Variants in PAPSS1 observed in about 807,000 individuals in gnomAD.
PAPSS1 encodes the protein bifunctional 3'-phosphoadenosine 5'-phosphosulfate synthase 1.
Under a neutral mutation model 72.0 loss-of-function variants are expected in PAPSS1, and 50 were observed. That is an observed-to-expected ratio of 0.69 (90% CI 0.55 to 0.88). PAPSS1 has a LOEUF of 0.88. Among genes scored for constraint, PAPSS1 ranks in the 40% least tolerant of loss-of-function variants. PAPSS1 has a pLI of 0.00. For missense variants in PAPSS1, 657 were observed against 782.2 expected (o/e 0.84, Z 1.91); for synonymous variants, 261 against 263.6 (o/e 0.99, Z 0.09).
chr4:107,653,190 G>T (rs904671197), intron 9 of PAPSS1, among the ~76,000 whole-genome samples: 4 of 151,704 alleles, frequency 2.6e-5, no homozygotes, highest in African/African-American at 7.3e-5. Flanking sequence ...ATTTATATGA[G>T]TGAATTATTC....
chr4:107,702,416 C>T (rs1723227994), intron 1 of PAPSS1, among the ~76,000 whole-genome samples: 1 of 152,152 alleles, frequency 6.6e-6, no homozygotes, highest in East Asian at 1.9e-4. Context: ...ATTATCATCA[C>T]CATGTTATAC....
intron 2 of PAPSS1, 109 bp downstream of exon 2, chr4:107,701,062 G>A: frequency 1.8e-6 from 1 of 543,464 alleles, no homozygotes; most frequent in Non-Finnish European, 3.2e-6. Flanking sequence ...ATGTCGTGAT[G>A]CTCCAAATAC....
chr4:107,690,575 G>A (rs1296502824), intron 3 of PAPSS1, among the ~76,000 whole-genome samples: 1 of 152,078 alleles, frequency 6.6e-6, no homozygotes, highest in African/African-American at 2.4e-5. Context: ...GGAAGTATCA[G>A]GTTAATTTTC....
intron 1 of PAPSS1, among the ~76,000 whole-genome samples, chr4:107,708,700 C>T (rs549818018): frequency 3.4e-4 from 52 of 152,280 alleles, no homozygotes; most frequent in African/African-American, 1.2e-3. Flanking sequence ...AGTTTCTTGC[C>T]TCCTACATTT....
intron 7 of PAPSS1, among the ~76,000 whole-genome samples, chr4:107,655,105 T>TAA (rs61591737): frequency 0.19 from 22,406 of 117,262 alleles, 2,223 homozygotes; most frequent in East Asian, 0.36. Flanking sequence ...TCTCCCAAGT[T>TAA]AAAAAAAAAA....
At chr4:107,627,715 T>C (rs867861600) in intron 11 of PAPSS1, among the ~76,000 whole-genome samples, 4 of 152,178 alleles carry the variant, frequency 2.6e-5, no homozygotes, top group Non-Finnish European at 4.4e-5. Context: ...TTTACTACAA[T>C]TTCTTTTTAT....
intron 9 of PAPSS1, among the ~76,000 whole-genome samples, chr4:107,651,752 C>T (rs1325241126): frequency 6.6e-6 from 1 of 152,140 alleles, no homozygotes; most frequent in African/African-American, 2.4e-5. Context: ...ATAGGAACTA[C>T]AATTCAAGAT....
intron 4 of PAPSS1, among the ~76,000 whole-genome samples, chr4:107,686,243 G>A (rs138218007): frequency 9.2e-5 from 14 of 152,138 alleles, no homozygotes; most frequent in African/African-American, 2.7e-4. Flanking sequence ...ATTTGTTCCC[G>A]GACTCCCTGT....
intron 10 of PAPSS1, among the ~76,000 whole-genome samples, chr4:107,632,884 C>T (rs1464969726): frequency 6.6e-6 from 1 of 152,018 alleles, no homozygotes; most frequent in Non-Finnish European, 1.5e-5. Context: ...CATAAATAAC[C>T]AAATCATCTT....
At chr4:107,658,056 G>A (rs771501010) in intron 6 of PAPSS1, among the ~76,000 whole-genome samples, 24 of 152,006 alleles carry the variant, frequency 1.6e-4, no homozygotes, top group Non-Finnish European at 2.6e-4. Context: ...AGGAAGCAAG[G>A]AATCTTTCCA....
At chr4:107,648,919 G>A (rs1726766179) in intron 9 of PAPSS1, among the ~76,000 whole-genome samples, 1 of 152,062 alleles carries the variant, frequency 6.6e-6, no homozygotes, top group African/African-American at 2.4e-5. Flanking sequence ...ATAAGAGATG[G>A]GCCCCTTGAA....
intron 5 of PAPSS1, among the ~76,000 whole-genome samples, chr4:107,666,178 T>G (rs1727312523): frequency 6.6e-6 from 1 of 152,216 alleles, no homozygotes; most frequent in African/African-American, 2.4e-5. Flanking sequence ...TAAACCACCA[T>G]TTCTTAAAAA....
intron 5 of PAPSS1, among the ~76,000 whole-genome samples, chr4:107,680,201 C>T (rs987330813): frequency 1.3e-5 from 2 of 151,368 alleles, no homozygotes; most frequent in African/African-American, 4.9e-5. Context: ...ATATATCTAC[C>T]CAAGCAGGTT....
chr4:107,634,778 T>G (rs1433192050), intron 10 of PAPSS1, among the ~76,000 whole-genome samples: 1 of 151,500 alleles, frequency 6.6e-6, no homozygotes, highest in Non-Finnish European at 1.5e-5. Flanking sequence ...AGATCTAAAA[T>G]TTCTACAATA....
intron 8 of PAPSS1, 100 bp from the exon 9 acceptor site, chr4:107,653,726 A>C: frequency 2.4e-6 from 2 of 820,260 alleles, no homozygotes; most frequent in Non-Finnish European, 3.6e-6. Flanking sequence ...AGCTACTCTC[A>C]TCTTAAATGA....
At chr4:107,665,457 T>C (rs1219200474) in intron 5 of PAPSS1, among the ~76,000 whole-genome samples, 2 of 152,202 alleles carry the variant, frequency 1.3e-5, no homozygotes, top group Non-Finnish European at 2.9e-5. Flanking sequence ...CTTCAATTTG[T>C]ACATATAAAA....
chr4:107,687,007 C>CA, intron 4 of PAPSS1, 32 bp downstream of exon 4: 1 of 1,584,958 alleles, frequency 6.3e-7, no homozygotes, highest in Non-Finnish European at 8.6e-7. Context: ...AATATCTAAG[C>CA]AAAGTGAAAC....
At chr4:107,694,247 A>C in intron 2 of PAPSS1, 3 of 454,152 alleles carry the variant, frequency 6.6e-6, no homozygotes, top group Non-Finnish European at 1.2e-5. Context: ...TTGTAGAGAC[A>C]GAATTCTCAA....
intron 11 of PAPSS1, among the ~76,000 whole-genome samples, chr4:107,617,763 A>G (rs1009400790): frequency 6.6e-6 from 1 of 152,222 alleles, no homozygotes; most frequent in Non-Finnish European, 1.5e-5. Flanking sequence ...ATTGCTTCAA[A>G]ATAAGATGGT....
Sources: gnomAD v4.1 joint callset for allele counts (sites outside exome capture counted in the v4.1 genomes callset) on GRCh38, gnomAD v4.1.1 for gene constraint, MANE v1.5 for transcripts, NCBI Gene and HGNC (gene_info 2026-07-23, HGNC 2026-07-21) for gene names.